Variants in SLC25A21 observed in about 807,000 individuals in gnomAD.
SLC25A21 encodes mitochondrial 2-oxodicarboxylate carrier.
In SLC25A21, 47 loss-of-function variants were observed where a neutral mutation model predicts 43.8. The ratio of observed to expected loss-of-function variants is 1.07; its 90% CI spans 0.85 to 1.37. SLC25A21 has a LOEUF of 1.37. Ranked by LOEUF, SLC25A21 falls within the 40% of genes most tolerant of loss-of-function variation. The pLI is 0.00. For synonymous variants in SLC25A21, 131 were observed against 121.3 expected, an observed-to-expected ratio of 1.08 and a Z score of -0.52; for missense variants, 352 against 350.2, an observed-to-expected ratio of 1.00 and a Z score of -0.04.
Position 36,678,604 on chromosome 14 carries a change from G to A in SLC25A21, c.*2054C>T. On this transcript the variant is annotated 3_prime_UTR_variant, in exon 10 of 10. Transcript: ENST00000331299. Reference sequence around the variant, plus strand: ...CCTGTCATCTGAAAAACTGATGTAAGGTACAGAACTATTCTTTATCAAATG... The same window carrying A: ...CCTGTCATCTGAAAAACTGATGTAAAGTACAGAACTATTCTTTATCAAATG... 6.9e-7 allele frequency: 1 copy of A among 1,457,062 alleles called. No homozygotes were observed. The highest frequency in any genetic ancestry group is 2.4e-5 in the Admixed American group (1 of 41,664). The allele number at this position is 1,457,062 out of a possible 1,614,324, so 90.3% of individuals were successfully genotyped here. A position where few individuals can be genotyped will look rare whatever the true frequency, so the allele number is the denominator to read the frequency against.
chr14:37,055,322 C>A (rs1282574846), intron 1 of SLC25A21, among the ~76,000 whole-genome samples: 1 of 152,146 alleles, frequency 6.6e-6, no homozygotes, highest in Non-Finnish European at 1.5e-5. Context: ...AAGGAAATAA[C>A]TATATTTCAC....
At chr14:36,864,334 G>A (rs1217740663) in intron 2 of SLC25A21, among the ~76,000 whole-genome samples, 1 of 152,176 alleles carries the variant, frequency 6.6e-6, no homozygotes, top group Non-Finnish European at 1.5e-5. Context: ...TCTATAATGT[G>A]CCAAGTGGAG....
chr14:36,879,995 G>A (rs796745493), intron 1 of SLC25A21, among the ~76,000 whole-genome samples: 3 of 152,122 alleles, frequency 2.0e-5, no homozygotes, highest in African/African-American at 7.2e-5. Context: ...TCTCAATTTA[G>A]GCAACCATTT....
At chr14:37,080,545 A>T (rs1962366212) in intron 1 of SLC25A21, among the ~76,000 whole-genome samples, 1 of 152,206 alleles carries the variant, frequency 6.6e-6, no homozygotes, top group African/African-American at 2.4e-5. Context: ...GACTGCAGTG[A>T]GCCATGATCG....
chr14:36,953,765 T>C (rs533700891), intron 1 of SLC25A21, among the ~76,000 whole-genome samples: 1 of 152,188 alleles, frequency 6.6e-6, no homozygotes, highest in African/African-American at 2.4e-5. Context: ...TCGGAAATTA[T>C]CATCACAATA....
intron 1 of SLC25A21, among the ~76,000 whole-genome samples, chr14:36,997,769 C>A (rs1034150182): frequency 4.1e-5 from 6 of 146,910 alleles, no homozygotes; most frequent in African/African-American, 1.5e-4. Context: ...GCAGAGGTTG[C>A]AGATTGCACC....
chr14:37,126,301 T>C (rs966408261), intron 1 of SLC25A21, among the ~76,000 whole-genome samples: 14 of 152,086 alleles, frequency 9.2e-5, no homozygotes, highest in Admixed American at 5.9e-4. Flanking sequence ...CTTGACAATA[T>C]TGGTGATTTA....
At chr14:37,098,855 T>G (rs1319573640) in intron 1 of SLC25A21, among the ~76,000 whole-genome samples, 1 of 150,592 alleles carries the variant, frequency 6.6e-6, no homozygotes, top group East Asian at 2.0e-4. Context: ...CAGGCTGGAG[T>G]GCAATGGCAT....
At chr14:36,994,105 T>C (rs1960321909) in intron 1 of SLC25A21, among the ~76,000 whole-genome samples, 1 of 152,146 alleles carries the variant, frequency 6.6e-6, no homozygotes, top group South Asian at 2.1e-4. Context: ...TAGTAACAGA[T>C]TTATCTCAAG....
intron 1 of SLC25A21, among the ~76,000 whole-genome samples, chr14:37,031,341 AAG>A (rs1961206680): frequency 6.6e-6 from 1 of 152,206 alleles, no homozygotes; most frequent in African/African-American, 2.4e-5. Flanking sequence ...ATTTTTAAAA[AAG>A]AATCTTTGGC....
chr14:36,838,339 C>T (rs146391876), intron 2 of SLC25A21, among the ~76,000 whole-genome samples: 8 of 152,346 alleles, frequency 5.3e-5, no homozygotes, highest in South Asian at 2.1e-4. Context: ...TACAGCACGA[C>T]ACCTTCTCAA....
At chr14:36,990,951 T>A (rs1960250538) in intron 1 of SLC25A21, among the ~76,000 whole-genome samples, 1 of 152,104 alleles carries the variant, frequency 6.6e-6, no homozygotes, top group Non-Finnish European at 1.5e-5. Context: ...AATTTTATCA[T>A]CAGTCAACTT....
chr14:36,679,176 T>C lies in SLC25A21; in HGVS notation c.*1482A>G, dbSNP rs1471294259. On this transcript the variant is annotated 3_prime_UTR_variant, in exon 10 of 10. Coordinates refer to ENST00000331299, the MANE Select transcript of SLC25A21 (RefSeq NM_030631.4). The stretch of plus-strand genomic sequence containing the variant: ...GTTGTGCAACAGAGACACATTCTTA[T>C]TTCTTTTTTTTCACAATTTTGTTTT... 3.0e-6 allele frequency: 3 copies of C among 985,116 alleles called. No individual in the cohort carries two copies. In the African/African-American group the frequency reaches 5.2e-5, roughly 17 times the overall value. 61.0% of individuals were successfully genotyped at this position (985,116 alleles called of 1,614,324 possible). A position where few individuals can be genotyped will look rare whatever the true frequency, so the allele number is the denominator to read the frequency against.
At chr14:37,112,616 C>T (rs1963039547) in intron 1 of SLC25A21, among the ~76,000 whole-genome samples, 1 of 152,132 alleles carries the variant, frequency 6.6e-6, no homozygotes, top group African/African-American at 2.4e-5. Context: ...TAAGTTCCAG[C>T]CAATGACATA....
At chr14:36,974,649 C>A (rs1412900199) in intron 1 of SLC25A21, among the ~76,000 whole-genome samples, 2 of 152,132 alleles carry the variant, frequency 1.3e-5, no homozygotes, top group Non-Finnish European at 2.9e-5. Flanking sequence ...GCACCTTGGG[C>A]ATCTTTGATA....
At chr14:36,770,572 T>C (rs1284772683) in intron 3 of SLC25A21, among the ~76,000 whole-genome samples, 1 of 152,180 alleles carries the variant, frequency 6.6e-6, no homozygotes, top group Non-Finnish European at 1.5e-5. Context: ...TTGGTTTACA[T>C]CTATTTCAGA....
chr14:36,997,113 C>A (rs1960387739), intron 1 of SLC25A21, among the ~76,000 whole-genome samples: 2 of 151,964 alleles, frequency 1.3e-5, no homozygotes, highest in African/African-American at 4.8e-5. Flanking sequence ...GATGTGGGAA[C>A]CCTGATGATA....
chr14:37,126,987 T>C (rs1963308433), intron 1 of SLC25A21, among the ~76,000 whole-genome samples: 2 of 152,146 alleles, frequency 1.3e-5, no homozygotes, highest in Admixed American at 6.5e-5. Context: ...TACTTGAAAA[T>C]ACTGAAATCT....
intron 2 of SLC25A21, among the ~76,000 whole-genome samples, chr14:36,861,073 A>G (rs1208082872): frequency 6.6e-6 from 1 of 152,202 alleles, no homozygotes; most frequent in Non-Finnish European, 1.5e-5. Flanking sequence ...AAACTTCTTC[A>G]TTATGTCAAA....
Sources: allele counts gnomAD v4.1 joint callset (sites outside exome capture counted in the v4.1 genomes callset), GRCh38; gene constraint gnomAD v4.1.1; transcripts MANE v1.5; gene names NCBI Gene and HGNC (gene_info 2026-07-23, HGNC 2026-07-21).